Variants in DLGAP1 observed in about 807,000 individuals in gnomAD.
DLGAP1 encodes disks large-associated protein 1.
In DLGAP1, 11 loss-of-function variants were observed where a neutral mutation model predicts 90.8. The ratio of observed to expected loss-of-function variants is 0.12; its 90% CI spans 0.08 to 0.20. DLGAP1 has a LOEUF of 0.20. Ranked by LOEUF, DLGAP1 falls within the 10% of genes least tolerant of loss-of-function variation. DLGAP1 has a pLI of 1.00. For missense variants in DLGAP1, 1,050 were observed against 1,333.8 expected, an observed-to-expected ratio of 0.79 and a Z score of 3.31; for synonymous variants, 558 against 540.7, an observed-to-expected ratio of 1.03 and a Z score of -0.44.
In DLGAP1 at chr18:3,530,800, C is replaced by T. The variant is rs184576845; in HGVS notation, c.2479+3394G>A. Among the ~76,000 whole-genome samples the T allele has an allele frequency of 2.6e-3, 403 of 152,322 alleles. 2 individuals carry two copies. Among genetic ancestry groups the T allele is most frequent in the Middle Eastern group, 0.014 (4 of 294 alleles). On this transcript the variant is annotated intron_variant, in intron 10 of 12. Coordinates refer to ENST00000315677, the MANE Select transcript of DLGAP1 (RefSeq NM_004746.4). Reference sequence around the variant, plus strand: ...GCAAATGTCAAGGAGATTTACTTTTCCACTGCCAAGTTGTTTGCACTCATA... The same window carrying T: ...GCAAATGTCAAGGAGATTTACTTTTTCACTGCCAAGTTGTTTGCACTCATA...
intron 1 of DLGAP1, among the ~76,000 whole-genome samples, chr18:4,364,761 G>A (rs1042607628): frequency 1.3e-5 from 2 of 152,060 alleles, no homozygotes; most frequent in Non-Finnish European, 2.9e-5. Context: ...TTGTTAACTT[G>A]ATGTCTTTCT....
chr18:4,150,909 C>T (rs1328634656), intron 2 of DLGAP1, among the ~76,000 whole-genome samples: 1 of 152,130 alleles, frequency 6.6e-6, no homozygotes, highest in African/African-American at 2.4e-5. Flanking sequence ...ATGGCATGTG[C>T]CCAATATGCC....
chr18:4,001,772 T>C (rs2074190537), intron 3 of DLGAP1, among the ~76,000 whole-genome samples: 1 of 152,156 alleles, frequency 6.6e-6, no homozygotes, highest in South Asian at 2.1e-4. Context: ...AGGGTCCCTT[T>C]AGGGTCCATG....
Position 3,742,505 on chromosome 18 carries a change from T to C in DLGAP1, c.1180A>G (p.Asn394Asp). The C allele has an allele frequency of 6.2e-7, 1 of 1,614,092 alleles. No homozygotes were observed. Among genetic ancestry groups the C allele is most frequent in the African/African-American group, 1.3e-5 (1 of 75,036 alleles). ...LTELTTLKIS[N>D]EHSPKLQIRS... ...ATCTGGAGTTTGGGTGAGTGTTCAT[T>C]GGAGATTCTGGAAGGGAACAATGGA... The change falls in exon 6 of 13, where the codon AAT (asparagine) becomes GAT (aspartate). Residue 394 changes from asparagine to aspartate, a missense_variant. Asn to Asp is a conservative substitution (Grantham distance 23, BLOSUM62 1). Coordinates refer to ENST00000315677, the MANE Select transcript of DLGAP1 (RefSeq NM_004746.4).
At chr18:3,866,105 C>T (rs569385559) in intron 4 of DLGAP1, among the ~76,000 whole-genome samples, 2 of 152,274 alleles carry the variant, frequency 1.3e-5, no homozygotes, top group Non-Finnish European at 2.9e-5. Context: ...TCTATCAGAG[C>T]TTAAAGCCCA....
intron 7 of DLGAP1, among the ~76,000 whole-genome samples, chr18:3,664,656 CTCTT>C (rs977232656): frequency 4.6e-5 from 7 of 152,180 alleles, no homozygotes; most frequent in East Asian, 1.9e-4. Context: ...CAAGAACTGT[CTCTT>C]TCTTTCAGCG....
intron 7 of DLGAP1, among the ~76,000 whole-genome samples, chr18:3,602,534 G>A (rs926132039): frequency 2.7e-5 from 4 of 146,236 alleles, no homozygotes; most frequent in African/African-American, 7.6e-5. Context: ...GGCGGAGCTT[G>A]CAGGGAGCCG....
chr18:3,681,110 A>G (rs2060498242), intron 7 of DLGAP1, among the ~76,000 whole-genome samples: 1 of 152,188 alleles, frequency 6.6e-6, no homozygotes, highest in South Asian at 2.1e-4. Context: ...GGCTGATGAG[A>G]GTTCAGTTCA....
intron 5 of DLGAP1, among the ~76,000 whole-genome samples, chr18:3,779,065 G>A (rs1389250505): frequency 6.6e-6 from 1 of 152,182 alleles, no homozygotes; most frequent in Non-Finnish European, 1.5e-5. Flanking sequence ...ACCCGCAGGT[G>A]GTGAGTGAGC....
chr18:4,243,721 T>G (rs931021866), intron 1 of DLGAP1, among the ~76,000 whole-genome samples: 1 of 152,206 alleles, frequency 6.6e-6, no homozygotes, highest in Admixed American at 6.5e-5. Flanking sequence ...GATATCTCCT[T>G]GGCATCAGAA....
At chr18:3,899,327 T>C (rs1298774120) in intron 3 of DLGAP1, among the ~76,000 whole-genome samples, 1 of 152,142 alleles carries the variant, frequency 6.6e-6, no homozygotes, top group African/African-American at 2.4e-5. Flanking sequence ...ATAAGTTTCA[T>C]CTCCCAGACA....
chr18:4,039,382 T>A (rs923498331), intron 2 of DLGAP1, among the ~76,000 whole-genome samples: 1 of 152,116 alleles, frequency 6.6e-6, no homozygotes, highest in Non-Finnish European at 1.5e-5. Flanking sequence ...CTGTCCTCCT[T>A]CAGAAGATGT....
At chr18:4,222,799 A>G (rs537125403) in intron 1 of DLGAP1, among the ~76,000 whole-genome samples, 1 of 152,138 alleles carries the variant, frequency 6.6e-6, no homozygotes, top group East Asian at 1.9e-4. Context: ...TAGACAAGAA[A>G]GTGGCAAAAA....
At chr18:4,411,947 T>A (rs2082787529) in intron 1 of DLGAP1, among the ~76,000 whole-genome samples, 1 of 152,122 alleles carries the variant, frequency 6.6e-6, no homozygotes, top group African/African-American at 2.4e-5. Context: ...CAGCTCAGGT[T>A]CAAGGGGAGC....
chr18:3,739,261 C>G (rs2062796120), intron 6 of DLGAP1, among the ~76,000 whole-genome samples: 1 of 151,270 alleles, frequency 6.6e-6, no homozygotes. Context: ...TTTGACCCAG[C>G]CATCCAATTA....
intron 3 of DLGAP1, among the ~76,000 whole-genome samples, chr18:3,892,628 T>C (rs77864502): frequency 0.022 from 3,295 of 152,136 alleles, 122 homozygotes; most frequent in African/African-American, 0.076. Context: ...CAGCAAACAA[T>C]ACAAGTCAGA....
chr18:3,916,093 T>C (rs2072137390), intron 3 of DLGAP1, among the ~76,000 whole-genome samples: 1 of 152,160 alleles, frequency 6.6e-6, no homozygotes, highest in Non-Finnish European at 1.5e-5. Context: ...CCATAAGGCT[T>C]CCCTCTCAAC....
intron 1 of DLGAP1, among the ~76,000 whole-genome samples, chr18:4,263,344 G>A (rs1045965960): frequency 9.2e-5 from 14 of 152,004 alleles, no homozygotes; most frequent in African/African-American, 2.9e-4. Flanking sequence ...GTATCTTTCC[G>A]TATTGCTTTT....
chr18:3,737,436 G>A (rs534978689), intron 6 of DLGAP1, among the ~76,000 whole-genome samples: 8,371 of 135,232 alleles, frequency 0.062, 798 homozygotes, highest in African/African-American at 0.22. Flanking sequence ...TGATCAAGTG[G>A]GCTTCATCCC....
Sources: gnomAD v4.1 joint callset for allele counts (sites outside exome capture counted in the v4.1 genomes callset) on GRCh38, gnomAD v4.1.1 for gene constraint, MANE v1.5 for transcripts, NCBI Gene and HGNC (gene_info 2026-07-23, HGNC 2026-07-21) for gene names.